The following LMO3 variants were observed in gnomAD, a reference collection of about 807,000 sequenced individuals.
LMO3 encodes the protein LIM domain only protein 3.
LMO3 carries 2 observed loss-of-function variants against 15.8 expected under a neutral mutation model. The observed-to-expected ratio is 0.13, with a 90% CI of 0.05 to 0.40. The LOEUF (loss-of-function observed/expected upper bound fraction) is 0.40, where lower values mean the gene tolerates loss of function less well. LMO3 is among the 10% of genes least tolerant of loss of function. The pLI, the probability that LMO3 is intolerant of heterozygous loss-of-function variation, is 0.99. For synonymous variants in LMO3, 62 were observed against 63.8 expected (o/e 0.97, Z 0.13); for missense variants, 86 against 182.2 (o/e 0.47, Z 3.04).
rs1363864192 is a variant in LMO3, at chr12:16,555,779, G to C, written c.333-4452C>G. 6.6e-6 allele frequency among the ~76,000 whole-genome samples: 1 copy of C among 152,012 alleles called. No individual in the cohort carries two copies. Among genetic ancestry groups the C allele is most frequent in the African/African-American group, 2.4e-5 (1 of 41,384 alleles). On this transcript the variant is annotated intron_variant, in intron 3 of 3. Transcript: ENST00000537304. The surrounding 1 kb of genome is among the most constrained non-coding windows in gnomAD (Gnocchi z 5.5). ...CTTTCACATCTGCATGCCTTTGCAC[G>C]TTGCTCAATTTGCCTGAAAATTCCT...
In LMO3 at chr12:16,604,298, T is replaced by C. The variant is rs1943919088; in HGVS notation, c.-9+1768A>G. On this transcript the variant is annotated intron_variant, in intron 1 of 3. Coordinates refer to ENST00000537304, the MANE Select transcript of LMO3 (RefSeq NM_018640.5). This position sits in a 1 kb window ranked among gnomAD's most constrained non-coding sequence, Gnocchi z 5.3. The stretch of plus-strand genomic sequence containing the variant: ...ATAGATGTCCCCAGATCTCAGGCAC[T>C]GGAGCTGCTTAACTCTGTTCTGCCC... Among the ~76,000 whole-genome samples the C allele has an allele frequency of 6.6e-6, 1 of 152,134 alleles. No individual in the cohort carries two copies. Among genetic ancestry groups the C allele is most frequent in the African/African-American group, 2.4e-5 (1 of 41,436 alleles).
intron 2 of LMO3, among the ~76,000 whole-genome samples, chr12:16,573,181 C>T (rs1942879410): frequency 1.3e-5 from 2 of 151,720 alleles, no homozygotes; most frequent in African/African-American, 4.8e-5. Context: ...TTCATAAGTG[C>T]CCCGGACAAA....
At chr12:16,565,622 A>G (rs1942572211) in intron 2 of LMO3, among the ~76,000 whole-genome samples, 1 of 152,132 alleles carries the variant, frequency 6.6e-6, no homozygotes, top group South Asian at 2.1e-4. Flanking sequence ...ATTATTTTGA[A>G]CTGTGTTTCT....
At position 16,597,840 on chromosome 12, in the gene LMO3, G is replaced by C. The variant is rs1377716058; in HGVS notation, c.206+2815C>G. 1 of 151,848 alleles carries C rather than the reference G, an allele frequency of 6.6e-6. No individual in the cohort carries two copies. Among genetic ancestry groups the C allele is most frequent in the East Asian group, 1.9e-4 (1 of 5,186 alleles). 9.4% of individuals were successfully genotyped at this position (151,848 alleles called of 1,614,324 possible). A position where few individuals can be genotyped will look rare whatever the true frequency, so the allele number is the denominator to read the frequency against. ...TACAAAATGGAAGTATGCTGAATTT[G>C]GAGGAAAATGAGAAAAATTACTTTT... is the stretch of plus-strand genomic sequence containing the variant. On this transcript the variant is annotated intron_variant, in intron 2 of 3. Transcript: ENST00000537304. This position sits in a 1 kb window ranked among gnomAD's most constrained non-coding sequence, Gnocchi z 5.0.
chr12:16,608,198 C>A (rs1353348764), upstream of LMO3: 1 of 137,138 alleles, frequency 7.3e-6, no homozygotes, highest in Non-Finnish European at 1.6e-5. The surrounding 1 kb of genome is among the most constrained non-coding windows in gnomAD (Gnocchi z 4.1). Flanking sequence ...CTGTCTCAGC[C>A]AATGCACTGA....
rs1284622304 is a variant in LMO3 at position 16,596,697 on chromosome 12, CTGAT to C, written c.206+3954_206+3957del. Among the ~76,000 whole-genome samples the C allele has an allele frequency of 6.6e-6, 1 of 151,656 alleles. No individual in the cohort carries two copies. Among genetic ancestry groups the C allele is most frequent in the Non-Finnish European group, 1.5e-5 (1 of 67,678 alleles). On this transcript the variant is annotated intron_variant, in intron 2 of 3. Transcript: ENST00000537304. This position sits in a 1 kb window ranked among gnomAD's most constrained non-coding sequence, Gnocchi z 4.3. ...ATGTAGAATTCCTAATTCTAAGACT[CTGAT>C]TATGCACTGGCTGGCTACTTTATTC...
intron 2 of LMO3, among the ~76,000 whole-genome samples, chr12:16,590,320 G>T (rs1766300319): frequency 6.6e-6 from 1 of 152,108 alleles, no homozygotes; most frequent in African/African-American, 2.4e-5. Flanking sequence ...TGTAACATTT[G>T]TCTCATCAAG....
chr12:16,570,240 A>G lies in LMO3; in HGVS notation c.207-9702T>C, dbSNP rs892201591. Among the ~76,000 whole-genome samples the G allele has an allele frequency of 2.6e-5, 4 of 152,278 alleles. No homozygotes were observed. The East Asian group carries it at 7.7e-4, about 29-fold the overall frequency. ...AGGTGAAACTTTTTATGTAAGTAAT[A>G]CTTTCCTAAAAATCGGCATTGAAGT... On this transcript the variant is annotated intron_variant, in intron 2 of 3. Transcript: ENST00000537304.
intron 3 of LMO3, among the ~76,000 whole-genome samples, chr12:16,558,054 G>T (rs1942258772): frequency 1.3e-5 from 2 of 151,940 alleles, no homozygotes; most frequent in African/African-American, 4.8e-5. Flanking sequence ...ACTCAGAAAA[G>T]CTTAAAATAT....
chr12:16,585,101 A>C lies in LMO3; in HGVS notation c.206+15554T>G, dbSNP rs1318920583. 6.6e-6 allele frequency among the ~76,000 whole-genome samples: 1 copy of C among 152,192 alleles called. No individual in the cohort carries two copies. Among genetic ancestry groups the C allele is most frequent in the African/African-American group, 2.4e-5 (1 of 41,448 alleles). ...TCAGCAACATTAGGCCCACATTCGT[A>C]CAGTGTGCTGGAATTAAGTCATGGC... On this transcript the variant is annotated intron_variant, in intron 2 of 3. Transcript: ENST00000537304. This position sits in a 1 kb window ranked among gnomAD's most constrained non-coding sequence, Gnocchi z 4.7.
chr12:16,561,228 T>C (rs1271719176), intron 2 of LMO3, among the ~76,000 whole-genome samples: 2 of 152,206 alleles, frequency 1.3e-5, no homozygotes, highest in Admixed American at 6.5e-5. Flanking sequence ...TGAGAATCGT[T>C]ATTGTAATGA....
At chr12:16,609,248 C>T (rs1238980972), upstream of LMO3, 1 of 152,158 alleles carries the variant, frequency 6.6e-6, no homozygotes, top group Non-Finnish European at 1.5e-5. Flanking sequence ...CTTCTGCTGA[C>T]ACTTTGCGAA....
intron 2 of LMO3, chr12:16,594,005 T>C (rs1258885608): frequency 1.4e-6 from 1 of 720,018 alleles, no homozygotes; most frequent in East Asian, 2.7e-5. Flanking sequence ...TTAGGCATTC[T>C]GTAGTTTTAT....
chr12:16,595,821 G>T (rs752045298), intron 2 of LMO3, among the ~76,000 whole-genome samples: 2 of 151,388 alleles, frequency 1.3e-5, no homozygotes, highest in Non-Finnish European at 3.0e-5. Context: ...TATTTGTAGA[G>T]TTCCATTTCA....
In LMO3 at chr12:16,587,820, G is replaced by T. The variant is rs1366742443; in HGVS notation, c.206+12835C>A. The stretch of plus-strand genomic sequence containing the variant: ...TGTCCTGAATGGGGGGTTTCAGGGG[G>T]AGGGAGAGGAACCTTGTCTCATATT... On this transcript the variant is annotated intron_variant, in intron 2 of 3. Transcript: ENST00000537304. This position sits in a 1 kb window ranked among gnomAD's most constrained non-coding sequence, Gnocchi z 4.3. Among the ~76,000 whole-genome samples, 4 of 152,008 alleles carry T rather than the reference G, an allele frequency of 2.6e-5. No homozygotes were observed. The highest frequency in any genetic ancestry group is 4.4e-5 in the Non-Finnish European group (3 of 67,976).
intron 1 of LMO3, chr12:16,605,072 G>A (rs1943943721): frequency 8.8e-6 from 13 of 1,473,668 alleles, no homozygotes; most frequent in East Asian, 2.4e-5. Context: ...CAGGGGGTGG[G>A]GGAAGGGATG....
chr12:16,555,063 T>C lies in LMO3; in HGVS notation c.333-3736A>G, dbSNP rs1351752422. 1.3e-5 allele frequency among the ~76,000 whole-genome samples: 2 copies of C among 152,254 alleles called. No individual in the cohort carries two copies. The highest frequency in any genetic ancestry group is 4.8e-5 in the African/African-American group (2 of 41,468). ...TTCCTCATCTGTCAAATGAAGCTAA[T>C]AACTACCTATTTATGGGATATTTTG... is the stretch of plus-strand genomic sequence containing the variant. On this transcript the variant is annotated intron_variant, in intron 3 of 3. Coordinates refer to ENST00000537304, the MANE Select transcript of LMO3 (RefSeq NM_018640.5). The surrounding 1 kb of genome is among the most constrained non-coding windows in gnomAD (Gnocchi z 5.5).
At chr12:16,564,295 G>A (rs1942512800) in intron 2 of LMO3, among the ~76,000 whole-genome samples, 1 of 152,184 alleles carries the variant, frequency 6.6e-6, no homozygotes, top group Non-Finnish European at 1.5e-5. Flanking sequence ...TTTTGTGTAT[G>A]GGTGGCATTG....
In LMO3 at chr12:16,594,303, A is replaced by G. The variant is rs1039973942; in HGVS notation, c.206+6352T>C. On this transcript the variant is annotated intron_variant, in intron 2 of 3. Coordinates refer to ENST00000537304, the MANE Select transcript of LMO3 (RefSeq NM_018640.5). ...GCCATGTGTCAGCAGAAGTAATCAT[A>G]TACACAAACCAATTTTTATAAGCCA... The G allele has an allele frequency of 7.5e-6, 11 of 1,465,176 alleles. No homozygotes were observed. In the African/African-American group the frequency reaches 1.6e-4, roughly 21 times the overall value. The allele number at this position is 1,465,176 out of a possible 1,614,324, so 90.8% of individuals were successfully genotyped here.
Sources: allele counts gnomAD v4.1 joint callset (sites outside exome capture counted in the v4.1 genomes callset), GRCh38; gene constraint gnomAD v4.1.1; non-coding constraint Gnocchi (gnomAD v3.1); transcripts MANE v1.5; gene names NCBI Gene and HGNC (gene_info 2026-07-23, HGNC 2026-07-21).